The following BAZ1A variants were observed in gnomAD, a reference collection of about 807,000 sequenced individuals.
The protein encoded by BAZ1A is bromodomain adjacent to zinc finger domain 1A.
Under a neutral mutation model 185.2 loss-of-function variants are expected in BAZ1A, and 50 were observed. That is an observed-to-expected ratio of 0.27 (90% CI 0.22 to 0.34). The LOEUF (loss-of-function observed/expected upper bound fraction) is 0.34. BAZ1A is among the 10% of genes least tolerant of loss of function. The probability of loss-of-function intolerance (pLI) is 1.00; values close to 1 mark genes in which losing one functional copy is unlikely to be tolerated. For synonymous variants in BAZ1A, 571 were observed against 615.6 expected (o/e 0.93, Z 1.07); for missense variants, 1,356 against 1,839.9 (o/e 0.74, Z 4.81).
chr14:34,784,010 G>T (rs1274819367), intron 14 of BAZ1A, 83 bp from the exon 15 acceptor site: 1 of 1,231,528 alleles, frequency 8.1e-7, no homozygotes, highest in Non-Finnish European at 1.1e-6. Flanking sequence ...GTGGCTCAAT[G>T]TGAAAATGCC....
intron 3 of BAZ1A, among the ~76,000 whole-genome samples, chr14:34,830,572 T>C (rs1000301920): frequency 2.0e-5 from 3 of 152,186 alleles, no homozygotes; most frequent in African/African-American, 7.2e-5. Flanking sequence ...TGACTGCTAA[T>C]GGGCAAAGCT....
At chr14:34,854,825 A>G (rs1181666546) in intron 3 of BAZ1A, among the ~76,000 whole-genome samples, 1 of 152,194 alleles carries the variant, frequency 6.6e-6, no homozygotes, top group Admixed American at 6.5e-5. Context: ...CATGCCTGTA[A>G]TCCCAGCACT....
chr14:34,754,994 C>T, intron 25 of BAZ1A, 80 bp from the exon 26 acceptor site: 1 of 1,035,620 alleles, frequency 9.7e-7, no homozygotes, highest in Non-Finnish European at 1.4e-6. Context: ...AAGTTTTGCA[C>T]TAAAAAGCAA....
chr14:34,772,831 C>T (rs978925155), intron 20 of BAZ1A, among the ~76,000 whole-genome samples: 5 of 152,150 alleles, frequency 3.3e-5, no homozygotes, highest in Non-Finnish European at 7.3e-5. Flanking sequence ...AGATCAAGAT[C>T]GTCCTGGCCA....
chr14:34,783,411 A>G (rs1284156320), intron 15 of BAZ1A, among the ~76,000 whole-genome samples, 179 bp from the exon 16 acceptor site: 1 of 132,548 alleles, frequency 7.5e-6, no homozygotes, highest in Non-Finnish European at 1.5e-5. Context: ...TCTTCTGCCC[A>G]GGCTGATCCT....
chr14:34,753,835 C>T (rs932045350), intron 26 of BAZ1A, 131 bp from the exon 27 acceptor site: 9 of 755,124 alleles, frequency 1.2e-5, no homozygotes, highest in African/African-American at 7.2e-5. Flanking sequence ...AGAGAAGACT[C>T]TGGCTAGGCA....
chr14:34,796,665 C>A (rs572896507), intron 9 of BAZ1A, among the ~76,000 whole-genome samples: 1 of 152,290 alleles, frequency 6.6e-6, no homozygotes, highest in Admixed American at 6.5e-5. Flanking sequence ...TCTAATAAAA[C>A]AGTGTAAATC....
chr14:34,824,981 T>C (rs761057597), intron 4 of BAZ1A, among the ~76,000 whole-genome samples: 4 of 152,284 alleles, frequency 2.6e-5, no homozygotes, highest in Admixed American at 6.5e-5. Flanking sequence ...GAACTTTTAA[T>C]TGGTTGCAGA....
Position 34,861,137 on chromosome 14 carries a change from C to A in BAZ1A, c.392+907G>T, listed in dbSNP as rs142919555. 3.4e-4 allele frequency among the ~76,000 whole-genome samples: 51 copies of A among 151,058 alleles called. 1 individual carries two copies. The highest frequency in any genetic ancestry group is 1.2e-3 in the African/African-American group (49 of 41,130). Reference sequence around the variant, plus strand: ...ACTTTTGGCTTCTAAAGTTTAAAATCGAGAAAAAAAAAATTTGTATTCAGG... The same window carrying A: ...ACTTTTGGCTTCTAAAGTTTAAAATAGAGAAAAAAAAAATTTGTATTCAGG... On this transcript the variant is annotated intron_variant, in intron 3 of 26. Coordinates refer to ENST00000360310, the MANE Select transcript of BAZ1A (RefSeq NM_013448.3).
chr14:34,782,773 A>C (rs1358712053), intron 16 of BAZ1A, among the ~76,000 whole-genome samples: 1 of 152,192 alleles, frequency 6.6e-6, no homozygotes, highest in Non-Finnish European at 1.5e-5. Flanking sequence ...TCCTATCTCA[A>C]ATATTCTAAA....
chr14:34,812,728 G>A (rs551303619), intron 4 of BAZ1A, among the ~76,000 whole-genome samples: 1 of 152,262 alleles, frequency 6.6e-6, no homozygotes, highest in African/African-American at 2.4e-5. Flanking sequence ...ATTAAGAGAA[G>A]CATTGGCAAT....
chr14:34,764,831 C>T lies in BAZ1A; in HGVS notation c.3652G>A (p.Val1218Met). 3.7e-6 allele frequency: 6 copies of T among 1,614,146 alleles called. No individual in the cohort carries two copies. The highest frequency in any genetic ancestry group is 5.1e-6 in the Non-Finnish European group (6 of 1,180,014). Reference sequence around the variant, plus strand: ...TCCTCACCTCCCATACTGTCTTCCACATCTTCATCACTTTCCAAGGATGGT... The same window carrying T: ...TCCTCACCTCCCATACTGTCTTCCATATCTTCATCACTTTCCAAGGATGGT... ...QRPSLESDED[V>M]EDSMGGEDDE... The change falls in exon 23 of 27, where the codon GTG (valine) becomes ATG (methionine). Residue 1218 changes from valine to methionine, a missense_variant. Physicochemically the swap from Val to Met is conservative, Grantham distance 21. This residue lies in a region of BAZ1A where 309 missense variants were observed against 355.3 expected (regional missense o/e 0.87). Coordinates refer to ENST00000360310, the MANE Select transcript of BAZ1A (RefSeq NM_013448.3).
chr14:34,839,566 A>G lies in BAZ1A; in HGVS notation c.393-13410T>C, dbSNP rs557452217. Among the ~76,000 whole-genome samples, 12 of 144,544 alleles carry G rather than the reference A, an allele frequency of 8.3e-5. No individual in the cohort carries two copies. The East Asian group carries it at 2.4e-3, about 29-fold the overall frequency. The allele number at this position is 144,544 out of a possible 152,430, so 94.8% of individuals were successfully genotyped here. On this transcript the variant is annotated intron_variant, in intron 3 of 26. Coordinates refer to ENST00000360310, the MANE Select transcript of BAZ1A (RefSeq NM_013448.3). ...AAAAAAAAAAAAAAAAAAGTAGGCC[A>G]GGCGTGGTGGCTCACACCTGTAATC...
Position 34,826,062 on chromosome 14 carries a change from T to C in BAZ1A, c.487A>G (p.Ile163Val), listed in dbSNP as rs754925570. ...VNSVDGETII[I>V]SDSDDSETQS... ...GTTTCTGAATCATCACTATCACTGA[T>C]GATAATAGTTTCTCCATCCACACTG... The change falls in exon 4 of 27, where the codon ATC becomes GTC. Residue 163 changes from isoleucine (I) to valine (V), a missense_variant. By Grantham distance (29) the Ile-to-Val change is conservative (BLOSUM62 3). Around this residue, in one of 7 missense-constraint regions of BAZ1A, gnomAD observed 332 missense variants for 395.3 expected, o/e 0.84. Transcript: ENST00000360310. 3 of 1,607,502 alleles carry C rather than the reference T, an allele frequency of 1.9e-6. No individual in the cohort carries two copies. The highest frequency in any genetic ancestry group is 2.6e-6 in the Non-Finnish European group (3 of 1,176,376).
chr14:34,762,670 A>T (rs1594811315), intron 23 of BAZ1A, among the ~76,000 whole-genome samples: 1 of 151,914 alleles, frequency 6.6e-6, no homozygotes, highest in Non-Finnish European at 1.5e-5. Context: ...GGGTTTTGCT[A>T]TGTTGCCCAG....
At chr14:34,832,213 C>CAT (rs1491212993) in intron 3 of BAZ1A, among the ~76,000 whole-genome samples, 20 of 78,694 alleles carry the variant, frequency 2.5e-4, no homozygotes, top group African/African-American at 7.1e-4. Flanking sequence ...CACACACACA[C>CAT]ACATATATAT....
chr14:34,773,518 AAC>A, intron 20 of BAZ1A, 52 bp downstream of exon 20: 23 of 1,464,408 alleles, frequency 1.6e-5, no homozygotes, highest in East Asian at 7.1e-5. Context: ...AAAAAAAAAA[AAC>A]CTTAAAATGG....
At chr14:34,801,900 C>A (rs1370314269) in intron 7 of BAZ1A, among the ~76,000 whole-genome samples, 9 of 111,962 alleles carry the variant, frequency 8.0e-5, no homozygotes, top group Admixed American at 1.9e-4. Flanking sequence ...AGTGAGACTC[C>A]ATCTCAAAAA....
intron 9 of BAZ1A, 74 bp from the exon 10 acceptor site, chr14:34,795,839 T>C: frequency 8.8e-7 from 1 of 1,131,310 alleles, no homozygotes; most frequent in Non-Finnish European, 1.3e-6. Flanking sequence ...CCTGAGAACT[T>C]GTTAGAAATG....
Sources: gnomAD v4.1 joint callset for allele counts (sites outside exome capture counted in the v4.1 genomes callset) on GRCh38, gnomAD v4.1.1 for gene constraint, gnomAD v4.1.1 regional missense constraint, MANE v1.5 for transcripts, NCBI Gene and HGNC (gene_info 2026-07-23, HGNC 2026-07-21) for gene names.